Variants in PAQR6 observed in about 807,000 individuals in gnomAD.
The protein encoded by PAQR6 is membrane progestin receptor delta.
A neutral mutation model predicts 36.2 loss-of-function variants in PAQR6; 34 were observed. The ratio of observed to expected loss-of-function variants is 0.94; its 90% CI spans 0.71 to 1.25. The LOEUF is 1.25. PAQR6 is among the 50% of genes most tolerant of loss of function. PAQR6 has a pLI of 0.00. For synonymous variants in PAQR6, 190 were observed against 190.7 expected (o/e 1.00, Z 0.03); for missense variants, 431 against 445.7 (o/e 0.97, Z 0.30).
rs780077337 is a variant in PAQR6, at chr1:156,244,073, C to T, written c.*56G>A. Reference sequence around the variant, plus strand: ...TGATTAGGCCCAAATCTGGGCTCCTCGTCAGCACTGGGGCCTGGCCTCTGC... The same window carrying T: ...TGATTAGGCCCAAATCTGGGCTCCTTGTCAGCACTGGGGCCTGGCCTCTGC... On this transcript the variant is annotated 3_prime_UTR_variant, in exon 8 of 8. Transcript: ENST00000292291. 1.9e-5 allele frequency: 30 copies of T among 1,613,298 alleles called. No homozygotes were observed. Among genetic ancestry groups the T allele is most frequent in the East Asian group, 6.7e-5 (3 of 44,882 alleles).
In PAQR6 at chr1:156,244,775, C is replaced by T. The variant is rs754179418; in HGVS notation, c.746G>A (p.Arg249His). ...SHLPERLAPG[R>H]FDYIGHSHQL... ...CGTGCCCTCACCGATGTAATCAAAG[C>T]GTCCTGGTGCCAGCCTTTCAGGCAG... Residue 249 changes from arginine to histidine, a missense_variant, in exon 7 of 8, where the codon CGC (arginine) becomes CAC (histidine). Coordinates refer to ENST00000292291, the MANE Select transcript of PAQR6 (RefSeq NM_198406.3). The T allele has an allele frequency of 5.0e-6, 8 of 1,613,766 alleles. No homozygotes were observed. In the Admixed American group the frequency reaches 6.7e-5, roughly 13 times the overall value.
At chr1:156,244,475 C>T (rs966150173) in intron 7 of PAQR6, 72 bp from the exon 8 acceptor site, 1 of 1,419,678 alleles carries the variant, frequency 7.0e-7, no homozygotes, top group Middle Eastern at 2.2e-4. Context: ...GGGCCTGCTA[C>T]TCCCCCATAA....
Position 156,244,917 on chromosome 1 carries a change from A to G in PAQR6, c.610-6T>C. On this transcript the variant is annotated splice_polypyrimidine_tract_variant and splice_region_variant and intron_variant, in intron 6 of 7. Transcript: ENST00000292291. ...CTGCCCCAGCACAGCCCGAGCTGTC[A>G]AAGGAAAACCAAGGCTGCTGGGGAG... The G allele has an allele frequency of 1.2e-6, 2 of 1,611,522 alleles. No individual in the cohort carries two copies. The highest frequency in any genetic ancestry group is 1.7e-6 in the Non-Finnish European group (2 of 1,179,288).
chr1:156,247,034 G>A (rs1660646428), intron 1 of PAQR6, among the ~76,000 whole-genome samples: 1 of 152,084 alleles, frequency 6.6e-6, no homozygotes, highest in South Asian at 2.1e-4. Context: ...CCAGCCGGGA[G>A]GCTGCCTCAA....
chr1:156,243,956 G>A lies in PAQR6; in HGVS notation c.*173C>T. On this transcript the variant is annotated 3_prime_UTR_variant, in exon 8 of 8. Transcript: ENST00000292291. ...TCACGGTCCCTCTCACACTCTGCCA[G>A]TCCCCCTAGACACCCCTCCTCTTCT... 9 of 1,614,058 alleles carry A rather than the reference G, an allele frequency of 5.6e-6. No individual in the cohort carries two copies. The highest frequency in any genetic ancestry group is 7.6e-6 in the Non-Finnish European group (9 of 1,179,996).
At chr1:156,244,972 CTG>C (rs893646704) in intron 6 of PAQR6, 61 bp from the exon 7 acceptor site, 2 of 1,597,102 alleles carry the variant, frequency 1.3e-6, no homozygotes, top group African/African-American at 2.7e-5. Flanking sequence ...TGGGGTGTGT[CTG>C]GGATCTGGTG....
intron 7 of PAQR6, 47 bp downstream of exon 7, chr1:156,244,714 G>A (rs779415466): frequency 6.2e-6 from 10 of 1,613,472 alleles, no homozygotes; most frequent in Non-Finnish European, 6.8e-6. Flanking sequence ...GCTCTGGGAA[G>A]GCATCTGCCC....
rs978299968 is a variant in PAQR6, at chr1:156,244,290, C to A, written c.874G>T (p.Ala292Ser). The change falls in exon 8 of 8, where the codon GCC (alanine) becomes TCC (serine). Residue 292 changes from alanine to serine, a missense_variant. Coordinates refer to ENST00000292291, the MANE Select transcript of PAQR6 (RefSeq NM_198406.3). ...RRAWLATQEP[A>S]LGLAGTVATL... The stretch of plus-strand genomic sequence containing the variant: ...GCCACTGTGCCTGCCAGGCCCAGGG[C>A]AGGTTCCTGTGTGGCCAGCCAGGCT... 1 of 1,613,472 alleles carries A rather than the reference C, an allele frequency of 6.2e-7. No homozygotes were observed. Among genetic ancestry groups the A allele is most frequent in the Non-Finnish European group, 8.5e-7 (1 of 1,179,968 alleles).
chr1:156,245,486 C>T (rs1186993588), intron 5 of PAQR6, 49 bp downstream of exon 5: 2 of 1,605,062 alleles, frequency 1.2e-6, no homozygotes, highest in Non-Finnish European at 1.7e-6. Flanking sequence ...TGTGTCCTCT[C>T]CTGTGCCTCC....
At position 156,246,736 on chromosome 1, in the gene PAQR6, G is replaced by A. The variant is rs1453482867; in HGVS notation, c.-5C>T. 3 of 1,613,562 alleles carry A rather than the reference G, an allele frequency of 1.9e-6. No homozygotes were observed. Among genetic ancestry groups the A allele is most frequent in the Non-Finnish European group, 2.5e-6 (3 of 1,179,854 alleles). On this transcript the variant is annotated 5_prime_UTR_variant, in exon 2 of 8. Transcript: ENST00000292291. ...GGGCAGCTTGAGACTGAGCATGGTGGCCTGGTACCTCCACGTTGACCTAGA... is the reference window on the plus strand; with the variant it reads ...GGGCAGCTTGAGACTGAGCATGGTGACCTGGTACCTCCACGTTGACCTAGA...
rs1289317692 is a variant in PAQR6, at chr1:156,244,909, G to C, written c.612C>G (p.Leu204=). The C allele has an allele frequency of 1.9e-6, 3 of 1,612,080 alleles. No homozygotes were observed. Among genetic ancestry groups the C allele is most frequent in the South Asian group, 2.2e-5 (2 of 90,942 alleles). Residue 204 remains leucine, a splice_region_variant and synonymous_variant, in exon 7 of 8, where the codon CTC becomes CTG. Transcript: ENST00000292291. The part of the protein sequence containing the change: ...LFDNLPLFYR[L]GLCWGRGHGC... ...CGTGGCCCCTGCCCCAGCACAGCCC[G>C]AGCTGTCAAAGGAAAACCAAGGCTG...
Position 156,245,840 on chromosome 1 carries a change from G to A in PAQR6, c.327C>T (p.Pro109=), listed in dbSNP as rs1289438930. 5 of 1,606,722 alleles carry A rather than the reference G, an allele frequency of 3.1e-6. No homozygotes were observed. The highest frequency in any genetic ancestry group is 2.7e-5 in the African/African-American group (2 of 74,910). ...GGAAGTAGCAGATGTGGCGCATGCG[G>A]GGCGACATGGAGCTGAAGGTGTGCG... The part of the protein sequence containing the change: ...CCAHTFSSMS[P]RMRHICYFLD... The change falls in exon 4 of 8, where the codon CCC becomes CCT. Residue 109 remains proline, a synonymous_variant. Coordinates refer to ENST00000292291, the MANE Select transcript of PAQR6 (RefSeq NM_198406.3).
Position 156,244,536 on chromosome 1 carries a change from G to A in PAQR6, c.761-133C>T, listed in dbSNP as rs1572528878. 1.2e-5 allele frequency: 16 copies of A among 1,340,970 alleles called. No homozygotes were observed. In the South Asian group the frequency reaches 2.0e-4, roughly 17 times the overall value. 83.1% of individuals were successfully genotyped at this position (1,340,970 alleles called of 1,614,324 possible). On this transcript the variant is annotated intron_variant, in intron 7 of 7. Transcript: ENST00000292291. The stretch of plus-strand genomic sequence containing the variant: ...CAGAGTGACTGAAAGGAATGAATGA[G>A]CATGTGTGCATGTGGCCCCAGCACA...
At position 156,245,538 on chromosome 1, in the gene PAQR6, G is replaced by A; in HGVS notation, c.509C>T (p.Ser170Phe). Residue 170 changes from serine to phenylalanine, a missense_variant, in exon 5 of 8, where the codon TCC becomes TTC. Coordinates refer to ENST00000292291, the MANE Select transcript of PAQR6 (RefSeq NM_198406.3). ...SFLCTGLSCY[S>F]RFLELESPGL... ...CTGGAGGGGCCTGGGAACCCACCGG[G>A]AGTAGCAGGAGAGGCCGGTGCACAG... 1 of 1,612,094 alleles carries A rather than the reference G, an allele frequency of 6.2e-7. No homozygotes were observed. Among genetic ancestry groups the A allele is most frequent in the Non-Finnish European group, 8.5e-7 (1 of 1,179,998 alleles).
Position 156,245,143 on chromosome 1 carries a change from C to G in PAQR6, c.608G>C (p.Arg203Pro), listed in dbSNP as rs768012257. The G allele has an allele frequency of 1.2e-6, 2 of 1,613,552 alleles. No homozygotes were observed. The highest frequency in any genetic ancestry group is 1.3e-5 in the African/African-American group (1 of 75,016). ...GGCAGGGGCCCTAGGCCTCCTTACCCGATAAAAGAGTGGGAGGTTGTCGAA... is the reference window on the plus strand; with the variant it reads ...GGCAGGGGCCCTAGGCCTCCTTACCGGATAAAAGAGTGGGAGGTTGTCGAA... ...FLFDNLPLFY[R>P]LGLCWGRGHG... The change falls in exon 6 of 8, where the codon CGG becomes CCG. Residue 203 changes from arginine (R) to proline (P), a missense_variant and splice_region_variant. By Grantham distance (103) the Arg-to-Pro change is moderately radical. Transcript: ENST00000292291.
intron 2 of PAQR6, 67 bp from the exon 3 acceptor site, chr1:156,246,317 T>G: frequency 5.7e-6 from 8 of 1,409,726 alleles, no homozygotes; most frequent in Non-Finnish European, 7.9e-6. Flanking sequence ...CTGAGATCTC[T>G]GGAAGCAGGG....
chr1:156,247,687 A>C (rs1001247691), intron 1 of PAQR6: 1 of 181,876 alleles, frequency 5.5e-6, no homozygotes, highest in Non-Finnish European at 1.2e-5. Flanking sequence ...ACAAAGATGG[A>C]TGAGGGCCTC....
chr1:156,245,634 G>T lies in PAQR6; in HGVS notation c.413C>A (p.Ser138Tyr). 1 of 1,613,340 alleles carries T rather than the reference G, an allele frequency of 6.2e-7. No individual in the cohort carries two copies. The highest frequency in any genetic ancestry group is 8.5e-7 in the Non-Finnish European group (1 of 1,179,984). Reference protein sequence around the residue: ...LGCAFPYAAYSMPASWLHGHL... With the variant: ...LGCAFPYAAYYMPASWLHGHL... ...GCCGTGCAGCCAGGAGGCCGGCATG[G>T]AGTAGGCGGCATAGGGGAAGGCGCA... Residue 138 changes from serine to tyrosine, a missense_variant, in exon 5 of 8, where the codon TCC (serine) becomes TAC (tyrosine). Ser to Tyr is a moderately radical substitution (Grantham distance 144, BLOSUM62 -2). Transcript: ENST00000292291.
intron 1 of PAQR6, among the ~76,000 whole-genome samples, chr1:156,247,035 G>C (rs947110089): frequency 2.6e-5 from 4 of 152,134 alleles, no homozygotes; most frequent in Admixed American, 6.5e-5. Flanking sequence ...CAGCCGGGAG[G>C]CTGCCTCAAA....
Sources: gnomAD v4.1 joint callset for allele counts (sites outside exome capture counted in the v4.1 genomes callset) on GRCh38, gnomAD v4.1.1 for gene constraint, MANE v1.5 for transcripts, NCBI Gene and HGNC (gene_info 2026-07-23, HGNC 2026-07-21) for gene names.